UMOD: variants seen among roughly 807,000 people sequenced by gnomAD.
UMOD encodes Tamm-Horsfall urinary glycoprotein.
A neutral mutation model predicts 66.0 loss-of-function variants in UMOD; 64 were observed. That is an observed-to-expected ratio of 0.97 (90% CI 0.79 to 1.19). The LOEUF (loss-of-function observed/expected upper bound fraction) is 1.19, where lower values mean the gene tolerates loss of function less well. UMOD is among the 50% of genes most tolerant of loss of function. The pLI is 0.00. For synonymous variants in UMOD, 398 were observed against 352.7 expected (o/e 1.13, Z -1.44); for missense variants, 764 against 850.9 (o/e 0.90, Z 1.27).
At position 20,341,108 on chromosome 16, in the gene UMOD, G is replaced by A. The variant is rs202057954; in HGVS notation, c.1560C>T (p.Tyr520=). 3.7e-6 allele frequency: 6 copies of A among 1,613,802 alleles called. No homozygotes were observed. The highest frequency in any genetic ancestry group is 5.1e-6 in the Non-Finnish European group (6 of 1,179,932). ...TGCCTTACCTGTCCTGGATGATGAA[G>A]TACTTCAGGGGGTCCGTGGCATTGC... is the stretch of plus-strand genomic sequence containing the variant. ...PSSNATDPLK[Y]FIIQDRCPHT... The change falls in exon 7 of 11, where the codon TAC becomes TAT. Residue 520 remains tyrosine (Y), a synonymous_variant. Transcript: ENST00000396138.
At chr16:20,353,419 T>C (rs1965973771), upstream of UMOD, among the ~76,000 whole-genome samples, 1 of 152,226 alleles carries the variant, frequency 6.6e-6, no homozygotes, top group Non-Finnish European at 1.5e-5. Context: ...GGCAGTGGGC[T>C]CATTTCTTAA....
intron 6 of UMOD, among the ~76,000 whole-genome samples, chr16:20,342,668 C>A (rs923468974): frequency 6.6e-6 from 1 of 152,186 alleles, no homozygotes; most frequent in Non-Finnish European, 1.5e-5. Context: ...GACTTTACAG[C>A]TTTGGGTAAG....
intron 6 of UMOD, among the ~76,000 whole-genome samples, chr16:20,342,208 G>A (rs540024881): frequency 2.0e-5 from 3 of 152,202 alleles, no homozygotes; most frequent in African/African-American, 7.2e-5. Flanking sequence ...ATAGCCCAGG[G>A]TGGTGTGGTG....
intron 5 of UMOD, among the ~76,000 whole-genome samples, chr16:20,345,660 A>T (rs1293341100): frequency 6.6e-6 from 1 of 151,296 alleles, no homozygotes; most frequent in East Asian, 1.9e-4. Context: ...GCTCACACAA[A>T]CATTTACCTC....
At position 20,333,894 on chromosome 16, in the gene UMOD, C is replaced by T. The variant is rs146672582; in HGVS notation, c.1862-519G>A. On this transcript the variant is annotated intron_variant, in intron 10 of 10. Coordinates refer to ENST00000396138, the MANE Select transcript of UMOD (RefSeq NM_003361.4). Reference sequence around the variant, plus strand: ...CTGGAAAATACAAAAATTAGCCGGGCGTGGTGGTGCACGCCTGTAGTTCCA... The same window carrying T: ...CTGGAAAATACAAAAATTAGCCGGGTGTGGTGGTGCACGCCTGTAGTTCCA... 1.0e-3 allele frequency among the ~76,000 whole-genome samples: 157 copies of T among 152,100 alleles called. 1 individual carries two copies. Among genetic ancestry groups the T allele is most frequent in the African/African-American group, 3.4e-3 (141 of 41,482 alleles).
Position 20,333,181 on chromosome 16 carries a change from A to G in UMOD, c.*133T>C, listed in dbSNP as rs1964683908. 1.1e-6 allele frequency: 1 copy of G among 936,726 alleles called. No individual in the cohort carries two copies. The highest frequency in any genetic ancestry group is 1.7e-6 in the Non-Finnish European group (1 of 590,838). 58.0% of individuals were successfully genotyped at this position (936,726 alleles called of 1,614,324 possible). ...GCTGTTTCTCGACAGCCAGGATTAAAAGGGAGAAAAGAAGGCAGGCTGAAC... is the reference window on the plus strand; with the variant it reads ...GCTGTTTCTCGACAGCCAGGATTAAGAGGGAGAAAAGAAGGCAGGCTGAAC... On this transcript the variant is annotated 3_prime_UTR_variant, in exon 11 of 11. Coordinates refer to ENST00000396138, the MANE Select transcript of UMOD (RefSeq NM_003361.4).
At chr16:20,333,640 T>A (rs1287563574) in intron 10 of UMOD, among the ~76,000 whole-genome samples, 1 of 152,208 alleles carries the variant, frequency 6.6e-6, no homozygotes, top group East Asian at 1.9e-4. Flanking sequence ...CCAACCATCC[T>A]TAGAGACCTT....
intron 5 of UMOD, among the ~76,000 whole-genome samples, chr16:20,345,528 C>CTTCCTTCCTTCCTTCCTTCCTTCT (rs1965530358): frequency 8.0e-6 from 1 of 124,714 alleles, no homozygotes; most frequent in African/African-American, 3.0e-5. Flanking sequence ...TCCTTCCTTC[C>CTTCCTTCCTTCCTTCCTTCCTTCT]TTCCTTCCCT....
intron 1 of UMOD, chr16:20,351,277 ATGG>A: frequency 5.2e-6 from 1 of 192,520 alleles, no homozygotes; most frequent in South Asian, 1.1e-4. Context: ...AACAATGAAC[ATGG>A]CAGTCTGCTC....
At chr16:20,343,901 G>T (rs974566592) in intron 6 of UMOD, 123 bp downstream of exon 6, 13 of 1,220,082 alleles carry the variant, frequency 1.1e-5, no homozygotes, top group Non-Finnish European at 1.4e-5. Context: ...CTTCCATTGG[G>T]CAACCCTGAT....
At chr16:20,355,731 T>C (rs1402690259), upstream of UMOD, among the ~76,000 whole-genome samples, 2 of 152,092 alleles carry the variant, frequency 1.3e-5, no homozygotes, top group Admixed American at 6.6e-5. Flanking sequence ...CTTTCAAACA[T>C]GGGTAGGAGA....
At chr16:20,346,512 A>G (rs554703382) in intron 4 of UMOD, among the ~76,000 whole-genome samples, 178 bp from the exon 5 acceptor site, 1 of 152,344 alleles carries the variant, frequency 6.6e-6, no homozygotes, top group East Asian at 1.9e-4. Flanking sequence ...TCTGACATCA[A>G]TGGATACATC....
chr16:20,341,190 C>A lies in UMOD; in HGVS notation c.1478G>T (p.Gly493Val). 1 of 1,613,986 alleles carries A rather than the reference C, an allele frequency of 6.2e-7. No individual in the cohort carries two copies. The highest frequency in any genetic ancestry group is 1.3e-5 in the African/African-American group (1 of 74,970). The change falls in exon 7 of 11, where the codon GGG (glycine) becomes GTG (valine). Residue 493 changes from glycine to valine, a missense_variant. Transcript: ENST00000396138. ...AFLYVGTMLD[G>V]GDLSRFALLM... ...CAGTGCAAATCGGGACAGGTCGCCC[C>A]CATCCAACATGGTGCCCACGTAGAG...
Position 20,350,815 on chromosome 16 carries a change from C to G in UMOD, c.-78G>C. On this transcript the variant is annotated 5_prime_UTR_variant, in exon 2 of 11. Transcript: ENST00000396138. ...AGACGGGTTGGCCCTTTGAATTTTT[C>G]TCTCTGTCTCTGATGTCTGGTGTCC... 1 of 1,593,474 alleles carries G rather than the reference C, an allele frequency of 6.3e-7. No homozygotes were observed. The highest frequency in any genetic ancestry group is 1.1e-5 in the South Asian group (1 of 88,398).
At chr16:20,352,732 A>G (rs1168211222), upstream of UMOD, 3 of 1,231,634 alleles carry the variant, frequency 2.4e-6, no homozygotes, top group African/African-American at 4.7e-5. Flanking sequence ...GATGTGCCTC[A>G]TACTTATATA....
chr16:20,347,267 C>T (rs1965639263), intron 4 of UMOD, among the ~76,000 whole-genome samples: 1 of 152,166 alleles, frequency 6.6e-6, no homozygotes, highest in African/African-American at 2.4e-5. Context: ...AGGTGATCTG[C>T]CCGCTGCGGC....
At chr16:20,339,604 T>C (rs1462096386) in intron 7 of UMOD, among the ~76,000 whole-genome samples, 5 of 152,250 alleles carry the variant, frequency 3.3e-5, no homozygotes, top group African/African-American at 1.2e-4. Flanking sequence ...CCTGAAAATA[T>C]TCCCTTGGTG....
chr16:20,335,539 G>A lies in UMOD; in HGVS notation c.1823-19C>T. On this transcript the variant is annotated intron_variant, in intron 9 of 10. Transcript: ENST00000396138. ...TGGACACCTTTGGAGGAAAACAGAA[G>A]GATCAGTGAATAAAGAATGCATGAG... The A allele has an allele frequency of 4.3e-6, 7 of 1,613,572 alleles. No individual in the cohort carries two copies. The highest frequency in any genetic ancestry group is 5.9e-6 in the Non-Finnish European group (7 of 1,179,538).
chr16:20,334,037 A>AG (rs1380644482), intron 10 of UMOD, among the ~76,000 whole-genome samples: 4 of 150,672 alleles, frequency 2.7e-5, no homozygotes, highest in Non-Finnish European at 5.9e-5. Flanking sequence ...CATCTCAAAA[A>AG]AAAAAAAAAA....
Sources: allele counts gnomAD v4.1 joint callset (sites outside exome capture counted in the v4.1 genomes callset), GRCh38; gene constraint gnomAD v4.1.1; transcripts MANE v1.5; gene names NCBI Gene and HGNC (gene_info 2026-07-23, HGNC 2026-07-21).